SH3D21: variants seen among roughly 807,000 people sequenced by gnomAD.
The protein encoded by SH3D21 is SH3 domain-containing protein 21.
Under a neutral mutation model 82.1 loss-of-function variants are expected in SH3D21, and 83 were observed. The ratio of observed to expected loss-of-function variants is 1.01; its 90% CI spans 0.85 to 1.21. SH3D21 has a LOEUF of 1.21. Ranked by LOEUF, SH3D21 falls within the 50% of genes most tolerant of loss-of-function variation. The pLI is 0.00. For synonymous variants in SH3D21, 383 were observed against 387.8 expected (o/e 0.99, Z 0.15); for missense variants, 980 against 962.1 (o/e 1.02, Z -0.25).
intron 8 of SH3D21, 73 bp downstream of exon 8, chr1:36,308,282 C>T (rs1646171613): frequency 6.8e-7 from 1 of 1,469,858 alleles, no homozygotes; most frequent in Non-Finnish European, 9.3e-7. Flanking sequence ...CATGTACCCC[C>T]TGAATCTAAA....
downstream of SH3D21, chr1:36,322,795 C>T (rs1316464970): frequency 2.0e-6 from 3 of 1,510,856 alleles, no homozygotes; most frequent in African/African-American, 2.8e-5. Context: ...CCGAAAGACC[C>T]CAGGTTCTAG....
chr1:36,323,988 G>A (rs1344628327), downstream of SH3D21: 2 of 152,234 alleles, frequency 1.3e-5, no homozygotes, highest in Non-Finnish European at 2.9e-5. Context: ...TACCAAAACC[G>A]TCAGGATTTG....
At position 36,319,892 on chromosome 1, in the gene SH3D21, C is replaced by T; in HGVS notation, c.1229C>T (p.Pro410Leu). The change falls in exon 14 of 16, where the codon CCT (proline) becomes CTT (leucine). Residue 410 changes from proline (P) to leucine (L), a missense_variant. Pro to Leu is a moderately conservative substitution (Grantham distance 98). Transcript: ENST00000453908. Reference sequence around the variant, plus strand: ...TCCACCTCGGGGAAGATCCCAGCTCCTGACAAAGTCCCCACCCCAGAGAAG... The same window carrying T: ...TCCACCTCGGGGAAGATCCCAGCTCTTGACAAAGTCCCCACCCCAGAGAAG... ...GNSTSGKIPAPDKVPTPEKMV... is the reference protein window; with the variant it reads ...GNSTSGKIPALDKVPTPEKMV... 6.2e-7 allele frequency: 1 copy of T among 1,614,154 alleles called. No individual in the cohort carries two copies. The highest frequency in any genetic ancestry group is 8.5e-7 in the Non-Finnish European group (1 of 1,180,004).
chr1:36,322,808 G>C, downstream of SH3D21: 1 of 1,491,546 alleles, frequency 6.7e-7, no homozygotes, highest in South Asian at 1.2e-5. Context: ...GGTTCTAGGT[G>C]TGGGGGCGAG....
rs1411956070 is a variant in SH3D21 at position 36,314,265 on chromosome 1, G to A, written c.769+4675G>A. ...GCTGGGATTACAAGCGTGAGCCACC[G>A]CGCCCGGCCCGATGCTGAGCATATT... On this transcript the variant is annotated intron_variant, in intron 10 of 15. Coordinates refer to ENST00000453908, the MANE Select transcript of SH3D21 (RefSeq NM_001162530.2). Among the ~76,000 whole-genome samples, 10 of 150,870 alleles carry A rather than the reference G, an allele frequency of 6.6e-5. No homozygotes were observed. The East Asian group carries it at 1.6e-3, about 24-fold the overall frequency.
rs745569595 is a variant in SH3D21 at position 36,320,250 on chromosome 1, G to A, written c.1587G>A (p.Glu529=). The A allele has an allele frequency of 6.2e-7, 1 of 1,612,902 alleles. No individual in the cohort carries two copies. The highest frequency in any genetic ancestry group is 1.3e-5 in the African/African-American group (1 of 74,920). The change falls in exon 14 of 16, where the codon GAG becomes GAA. Residue 529 remains glutamate (E), a synonymous_variant. Coordinates refer to ENST00000453908, the MANE Select transcript of SH3D21 (RefSeq NM_001162530.2). The part of the protein sequence containing the change: ...VAKEDPSSQE[E]AHTPEAPPPQ... ...AAGAGGATCCATCATCCCAGGAGGA[G>A]GCCCACACGCCAGAGGCACCCCCAC...
At chr1:36,325,713 T>A (rs1646535724), downstream of SH3D21, among the ~76,000 whole-genome samples, 1 of 152,048 alleles carries the variant, frequency 6.6e-6, no homozygotes, top group Admixed American at 6.5e-5. Flanking sequence ...CCTGGCTAAT[T>A]TTTTGTATTT....
At chr1:36,314,934 C>T (rs1319472923) in intron 10 of SH3D21, among the ~76,000 whole-genome samples, 4 of 152,146 alleles carry the variant, frequency 2.6e-5, no homozygotes, top group Non-Finnish European at 5.9e-5. Flanking sequence ...CCCTGCAGAA[C>T]ATCCATGTGG....
At chr1:36,327,757 C>T (rs1447578143), downstream of SH3D21, 8 of 1,237,134 alleles carry the variant, frequency 6.5e-6, no homozygotes, top group African/African-American at 6.2e-5. Flanking sequence ...GTGGGAGAAG[C>T]GGCAGCCTTG....
At chr1:36,318,525 C>T (rs534793992) in intron 10 of SH3D21, among the ~76,000 whole-genome samples, 92 of 152,210 alleles carry the variant, frequency 6.0e-4, no homozygotes, top group Non-Finnish European at 7.9e-4. Flanking sequence ...AATGCCAGCA[C>T]TTTGGGAGGC....
At chr1:36,318,898 A>AAATAATAATAATAAT (rs58567392) in intron 10 of SH3D21, among the ~76,000 whole-genome samples, 173 bp from the exon 11 acceptor site, 85 of 140,412 alleles carry the variant, frequency 6.1e-4, no homozygotes, top group African/African-American at 1.8e-3. Flanking sequence ...ACTCCATCTC[A>AAATAATAATAATAAT]AATAATAATA....
downstream of SH3D21, chr1:36,321,377 A>G: frequency 1.8e-6 from 1 of 553,392 alleles, no homozygotes; most frequent in Non-Finnish European, 2.6e-6. The surrounding 1 kb of genome is among the most constrained non-coding windows in gnomAD (Gnocchi z 6.1). Flanking sequence ...ATTTTTATCC[A>G]CCGGATGGTG....
chr1:36,307,089 C>G lies in SH3D21; in HGVS notation c.227-78C>G, dbSNP rs934559974. 3.2e-4 allele frequency: 492 copies of G among 1,536,658 alleles called. 2 individuals carry two copies. The highest frequency in any genetic ancestry group is 8.6e-5 in the Non-Finnish European group (98 of 1,138,974). ...GCGGGGCTGGAGGGACCAAAGGCTA[C>G]GTGCGCGCCTTGCGCTTCCCCCAGC... On this transcript the variant is annotated intron_variant, in intron 3 of 15. Transcript: ENST00000453908. The surrounding 1 kb of genome is among the most constrained non-coding windows in gnomAD (Gnocchi z 5.4).
At position 36,319,742 on chromosome 1, in the gene SH3D21, C is replaced by T. The variant is rs148214820; in HGVS notation, c.1079C>T (p.Ala360Val). The T allele has an allele frequency of 1.4e-3, 2,300 of 1,598,978 alleles. 7 individuals are homozygous for T. Among genetic ancestry groups the T allele is most frequent in the South Asian group, 2.7e-3 (241 of 88,982 alleles). The stretch of plus-strand genomic sequence containing the variant: ...AGAACCCCCATGCCGGACAAGACTG[C>T]CACCCCAGAGAGGCCCCCAGCTCCA... Reference protein sequence around the residue: ...VKRTPMPDKTATPERPPAPEN... With the variant: ...VKRTPMPDKTVTPERPPAPEN... The change falls in exon 14 of 16, where the codon GCC (alanine) becomes GTC (valine). Residue 360 changes from alanine (A) to valine (V), a missense_variant. Transcript: ENST00000453908.
In SH3D21 at chr1:36,320,499, G is replaced by C. The variant is rs1342248142; in HGVS notation, c.1836G>C (p.Leu612=). 6 of 1,613,646 alleles carry C rather than the reference G, an allele frequency of 3.7e-6. No homozygotes were observed. The highest frequency in any genetic ancestry group is 5.1e-6 in the Non-Finnish European group (6 of 1,180,008). ...EEAPPNEQRP[L]REEVLPKEGV... is the part of the protein sequence containing the mutation. Reference sequence around the variant, plus strand: ...CGCCCCCCAACGAGCAGAGGCCTCTGAGAGAGGAGGTGCTCCCCAAAGAGG... The same window carrying C: ...CGCCCCCCAACGAGCAGAGGCCTCTCAGAGAGGAGGTGCTCCCCAAAGAGG... Residue 612 remains leucine (L), a synonymous_variant, in exon 14 of 16, where the codon CTG becomes CTC. Coordinates refer to ENST00000453908, the MANE Select transcript of SH3D21 (RefSeq NM_001162530.2).
chr1:36,309,725 TG>T, intron 10 of SH3D21, 135 bp downstream of exon 10: 13 of 866,592 alleles, frequency 1.5e-5, no homozygotes, highest in South Asian at 1.7e-5. Context: ...GGTCAAAAGC[TG>T]GGTAGGAATG....
At chr1:36,313,429 A>G (rs1235379292) in intron 10 of SH3D21, among the ~76,000 whole-genome samples, 4 of 151,816 alleles carry the variant, frequency 2.6e-5, no homozygotes, top group Non-Finnish European at 5.9e-5. Context: ...TTTTTTCATT[A>G]TGGGATTATT....
At position 36,306,842 on chromosome 1, in the gene SH3D21, G is replaced by T; in HGVS notation, c.163G>T (p.Glu55Ter). The T allele has an allele frequency of 1.5e-6, 2 of 1,296,858 alleles. No homozygotes were observed. Among genetic ancestry groups the T allele is most frequent in the Non-Finnish European group, 2.0e-6 (2 of 990,722 alleles). The allele number at this position is 1,296,858 out of a possible 1,614,324, so 80.3% of individuals were successfully genotyped here. ...YGLFPERLVQ[E>*]IPETLRGSGE... is the part of the protein sequence containing the mutation. ...GCCTTCCCCGTGCCCTGATTCCCAG[G>T]AGATCCCAGAGACCCTGCGGGGCTC... Residue 55 changes from glutamate (E) to a stop codon, truncating the protein, a stop_gained and splice_region_variant, in exon 3 of 16, where the codon GAG becomes TAG. Coordinates refer to ENST00000453908, the MANE Select transcript of SH3D21 (RefSeq NM_001162530.2). LOFTEE classifies it high-confidence loss of function. The surrounding 1 kb of genome is among the most constrained non-coding windows in gnomAD (Gnocchi z 4.5).
At position 36,320,414 on chromosome 1, in the gene SH3D21, A is replaced by G; in HGVS notation, c.1751A>G (p.Glu584Gly). 6.2e-7 allele frequency: 1 copy of G among 1,613,088 alleles called. No homozygotes were observed. The highest frequency in any genetic ancestry group is 8.5e-7 in the Non-Finnish European group (1 of 1,179,680). Residue 584 changes from glutamate (E) to glycine (G), a missense_variant, in exon 14 of 16, where the codon GAG becomes GGG. Glu to Gly is a moderately conservative substitution (Grantham distance 98). Coordinates refer to ENST00000453908, the MANE Select transcript of SH3D21 (RefSeq NM_001162530.2). ...PALEKPHPHE[E>G]ATTLPEEAPS... Reference sequence around the variant, plus strand: ...CTTGAGAAGCCCCACCCCCACGAAGAGGCTACAACCCTTCCAGAGGAGGCA... The same window carrying G: ...CTTGAGAAGCCCCACCCCCACGAAGGGGCTACAACCCTTCCAGAGGAGGCA...
Sources: allele counts gnomAD v4.1 joint callset (sites outside exome capture counted in the v4.1 genomes callset), GRCh38; gene constraint gnomAD v4.1.1; non-coding constraint Gnocchi (gnomAD v3.1); transcripts MANE v1.5; gene names NCBI Gene and HGNC (gene_info 2026-07-23, HGNC 2026-07-21).